TENM3: variants seen among roughly 807,000 people sequenced by gnomAD.
The protein encoded by TENM3 is teneurin-3.
Under a neutral mutation model 255.1 loss-of-function variants are expected in TENM3, and 63 were observed. The observed-to-expected ratio is 0.25, with a 90% CI of 0.20 to 0.30. The LOEUF (loss-of-function observed/expected upper bound fraction) is 0.30, where lower values mean the gene tolerates loss of function less well. Among genes scored for constraint, TENM3 ranks in the 10% least tolerant of loss-of-function variants. The pLI is 1.00. For missense variants in TENM3, 2,929 were observed against 3,461.1 expected (o/e 0.85, Z 3.86); for synonymous variants, 1,306 against 1,322.3 (o/e 0.99, Z 0.27).
At chr4:182,338,281 C>T (rs558042252) in intron 2 of TENM3, among the ~76,000 whole-genome samples, 1 of 152,262 alleles carries the variant, frequency 6.6e-6, no homozygotes, top group Admixed American at 6.5e-5. Flanking sequence ...TCAAAAACAA[C>T]CTCCGCTGTC....
In TENM3 at chr4:182,800,063, G is replaced by T; in HGVS notation, c.7812G>T (p.Ala2604=). 1 of 1,602,512 alleles carries T rather than the reference G, an allele frequency of 6.2e-7. No individual in the cohort carries two copies. Among genetic ancestry groups the T allele is most frequent in the Non-Finnish European group, 8.5e-7 (1 of 1,175,198 alleles). Residue 2604 remains alanine (A), a synonymous_variant, in exon 28 of 28, where the codon GCG becomes GCT. Coordinates refer to ENST00000511685, the MANE Select transcript of TENM3 (RefSeq NM_001080477.4). ...TGGAGATGCAGTTCGGCGCGCTGGC[G>T]CTGCACGTGCGCTACGGCATGACCC... ...ADVEMQFGAL[A]LHVRYGMTLD... is the part of the protein sequence containing the mutation.
At chr4:181,472,769 A>G in the TENM3 span, among the ~76,000 whole-genome samples, 1 of 152,216 alleles carries the variant, frequency 6.6e-6, no homozygotes, top group African/African-American at 2.4e-5. Flanking sequence ...CCTGCTCTGC[A>G]GCCAGCCTGC....
chr4:182,477,916 T>A (rs6825440), intron 3 of TENM3, among the ~76,000 whole-genome samples: 37,610 of 151,996 alleles, frequency 0.25, 4,913 homozygotes, highest in Middle Eastern at 0.35. Context: ...GGAAAATACC[T>A]GGAGAGAACC....
intron 19 of TENM3, among the ~76,000 whole-genome samples, chr4:182,744,339 G>A (rs1247090108): frequency 1.3e-5 from 2 of 151,820 alleles, no homozygotes; most frequent in East Asian, 1.9e-4. Flanking sequence ...AATATATTGC[G>A]AGTTATTTAC....
the TENM3 span, among the ~76,000 whole-genome samples, chr4:182,036,169 T>C: frequency 6.6e-6 from 1 of 152,172 alleles, no homozygotes; most frequent in Non-Finnish European, 1.5e-5. Context: ...TTGTTGTATG[T>C]TACAACTGCA....
In TENM3 at chr4:182,161,600, C is replaced by CAT. The variant is rs1218177002; in HGVS notation, c.-76+16857_-76+16858dup. ...GAGGCTCAGTCCAAATATATATATA[C>CAT]ATATATATATATGTATATATATATA... On this transcript the variant is annotated intron_variant, in intron 1 of 2. Coordinates refer to the TENM3 transcript ENST00000512480. Among the ~76,000 whole-genome samples, 214 of 106,112 alleles carry CAT rather than the reference C, an allele frequency of 2.0e-3. 8 individuals are homozygous for CAT. The highest frequency in any genetic ancestry group is 6.8e-3 in the African/African-American group (186 of 27,310). 69.6% of individuals were successfully genotyped at this position (106,112 alleles called of 152,430 possible).
At chr4:181,743,601 G>A in the TENM3 span, among the ~76,000 whole-genome samples, 1 of 152,266 alleles carries the variant, frequency 6.6e-6, no homozygotes, top group African/African-American at 2.4e-5. Flanking sequence ...TGAGGCGAAT[G>A]CAGCAGAGGG....
At chr4:181,800,841 G>A in the TENM3 span, among the ~76,000 whole-genome samples, 1 of 152,140 alleles carries the variant, frequency 6.6e-6, no homozygotes, top group African/African-American at 2.4e-5. Context: ...CTTACTAACT[G>A]TAACCTGTTA....
the TENM3 span, among the ~76,000 whole-genome samples, chr4:181,487,671 CACAA>C: frequency 1.1e-4 from 16 of 152,026 alleles, no homozygotes; most frequent in African/African-American, 3.9e-4. Flanking sequence ...TGAGGAGAGA[CACAA>C]ACATTCAGAT....
the TENM3 span, among the ~76,000 whole-genome samples, chr4:182,108,811 C>A: frequency 6.6e-6 from 1 of 152,274 alleles, no homozygotes; most frequent in East Asian, 1.9e-4. Flanking sequence ...AACCTCAAGT[C>A]TTTCACTGTA....
Position 182,595,838 on chromosome 4 carries a change from GTGTT to G in TENM3, c.512-5083_512-5080del, listed in dbSNP as rs1306615729. Among the ~76,000 whole-genome samples, 16 of 151,066 alleles carry G rather than the reference GTGTT, an allele frequency of 1.1e-4. 1 individual carries two copies. The South Asian group carries it at 2.7e-3, about 26-fold the overall frequency. ...AATATTAATAAAAGGAAAACATACT[GTGTT>G]TGGTAAAATATAATTTATAATAATT... On this transcript the variant is annotated intron_variant, in intron 3 of 27. Coordinates refer to ENST00000511685, the MANE Select transcript of TENM3 (RefSeq NM_001080477.4).
At chr4:182,101,183 GA>G in the TENM3 span, among the ~76,000 whole-genome samples, 4 of 102,288 alleles carry the variant, frequency 3.9e-5, no homozygotes, top group East Asian at 7.1e-4. Flanking sequence ...AGGAAGGAAA[GA>G]AGGGAGGGAG....
rs190378694 is a variant in TENM3 at position 182,733,521 on chromosome 4, A to G, written c.2967+2382A>G. ...GGCTTGGACAAAAGTCTTTGGAGGT[A>G]GAAGCAGACATGGAAGAGTGGAGTC... On this transcript the variant is annotated intron_variant, in intron 16 of 27. Coordinates refer to ENST00000511685, the MANE Select transcript of TENM3 (RefSeq NM_001080477.4). Among the ~76,000 whole-genome samples the G allele has an allele frequency of 2.4e-3, 371 of 152,360 alleles. 8 individuals carry two copies. The highest frequency in any genetic ancestry group is 0.024 in the Admixed American group (360 of 15,310).
chr4:181,653,466 A>G, the TENM3 span, among the ~76,000 whole-genome samples: 41 of 152,026 alleles, frequency 2.7e-4, no homozygotes, highest in South Asian at 8.1e-3. Flanking sequence ...CCGGAGTGCA[A>G]TGCCGCCATC....
intron 3 of TENM3, among the ~76,000 whole-genome samples, chr4:182,351,298 G>A (rs1765163712): frequency 6.6e-6 from 1 of 152,172 alleles, no homozygotes; most frequent in African/African-American, 2.4e-5. Context: ...AGTTAGTTTT[G>A]TGATTTAATA....
At chr4:181,642,878 A>G in the TENM3 span, among the ~76,000 whole-genome samples, 5 of 152,080 alleles carry the variant, frequency 3.3e-5, no homozygotes, top group African/African-American at 1.2e-4. Flanking sequence ...CTGTTTTGGT[A>G]CCAGTACCAT....
At chr4:182,741,451 T>C (rs1384858441) in intron 18 of TENM3, among the ~76,000 whole-genome samples, 1 of 152,216 alleles carries the variant, frequency 6.6e-6, no homozygotes, top group Non-Finnish European at 1.5e-5. Flanking sequence ...ATAAATATTC[T>C]CATGTTCATC....
At chr4:181,751,669 C>T in the TENM3 span, among the ~76,000 whole-genome samples, 2 of 152,176 alleles carry the variant, frequency 1.3e-5, no homozygotes, top group Admixed American at 6.5e-5. Context: ...AGCCTCATCA[C>T]ACCAAGAACC....
chr4:182,000,384 G>A, the TENM3 span, among the ~76,000 whole-genome samples: 6 of 151,844 alleles, frequency 4.0e-5, no homozygotes, highest in African/African-American at 9.7e-5. Context: ...CCAAGAATCG[G>A]TTCTCCCAAA....
Sources: gnomAD v4.1 joint callset for allele counts (sites outside exome capture counted in the v4.1 genomes callset) on GRCh38, gnomAD v4.1.1 for gene constraint, MANE v1.5 for transcripts, NCBI Gene and HGNC (gene_info 2026-07-23, HGNC 2026-07-21) for gene names.